The following SNAP47 variants were observed in gnomAD, a reference collection of about 807,000 sequenced individuals.
SNAP47 encodes synaptosomal-associated protein 47.
A neutral mutation model predicts 31.4 loss-of-function variants in SNAP47; 20 were observed. That is an observed-to-expected ratio of 0.64 (90% CI 0.45 to 0.93). SNAP47 has a LOEUF of 0.93. Ranked by LOEUF, SNAP47 falls within the 40% of genes least tolerant of loss-of-function variation. The pLI is 0.00. For synonymous variants in SNAP47, 194 were observed against 213.4 expected, an observed-to-expected ratio of 0.91 and a Z score of 0.79; for missense variants, 492 against 528.5, an observed-to-expected ratio of 0.93 and a Z score of 0.68.
intron 1 of SNAP47, among the ~76,000 whole-genome samples, chr1:227,738,732 CAG>C (rs763819955): frequency 2.9e-4 from 44 of 152,156 alleles, no homozygotes; most frequent in Non-Finnish European, 4.4e-5. Flanking sequence ...ATGTGGGGAG[CAG>C]AGTGTTTATA....
chr1:227,758,339 G>A (rs1009411335), intron 2 of SNAP47, among the ~76,000 whole-genome samples: 3 of 152,302 alleles, frequency 2.0e-5, no homozygotes, highest in Non-Finnish European at 2.9e-5. Context: ...AAGACGTGCC[G>A]GGTTCTCCTC....
At chr1:227,744,964 G>T (rs1661867453) in intron 1 of SNAP47, among the ~76,000 whole-genome samples, 1 of 152,196 alleles carries the variant, frequency 6.6e-6, no homozygotes, top group Non-Finnish European at 1.5e-5. Context: ...CTTGGGTGGA[G>T]CTGGTTGCCC....
upstream of SNAP47, chr1:227,733,712 T>C (rs894973504): frequency 6.3e-7 from 1 of 1,598,738 alleles, no homozygotes. Flanking sequence ...GGTTCATGCC[T>C]GTAGGGGCTG....
upstream of SNAP47, chr1:227,733,436 C>T: frequency 1.3e-6 from 2 of 1,579,256 alleles, no homozygotes; most frequent in Non-Finnish European, 1.7e-6. Flanking sequence ...CTGGTGGTGC[C>T]AGCCACTGGG....
upstream of SNAP47, chr1:227,732,139 C>A (rs1660690275): frequency 3.5e-6 from 2 of 573,704 alleles, no homozygotes; most frequent in Non-Finnish European, 6.2e-6. Context: ...CCAAAAGAGC[C>A]AGGTCCTGGC....
chr1:227,764,296 C>T (rs573026231), intron 3 of SNAP47, among the ~76,000 whole-genome samples: 3 of 152,296 alleles, frequency 2.0e-5, no homozygotes, highest in East Asian at 1.9e-4. Context: ...TCCCAGCCAC[C>T]GCGCCCAGCA....
intron 1 of SNAP47, among the ~76,000 whole-genome samples, chr1:227,740,209 T>C (rs1267650918): frequency 2.6e-5 from 4 of 152,116 alleles, no homozygotes; most frequent in African/African-American, 9.7e-5. Flanking sequence ...CCAATGAGAC[T>C]CCCTGGTGTG....
At chr1:227,761,286 G>T (rs1355888389) in intron 3 of SNAP47, among the ~76,000 whole-genome samples, 1 of 152,132 alleles carries the variant, frequency 6.6e-6, no homozygotes, top group Non-Finnish European at 1.5e-5. Context: ...TCAAGTTTCG[G>T]AAAGAAATAC....
intron 4 of SNAP47, among the ~76,000 whole-genome samples, chr1:227,770,970 G>A (rs1243994199): frequency 1.3e-5 from 2 of 152,180 alleles, no homozygotes; most frequent in Admixed American, 6.5e-5. Context: ...TGGAGCAGGC[G>A]AGTTGGAGAA....
intron 2 of SNAP47, among the ~76,000 whole-genome samples, chr1:227,755,823 C>T (rs1487390228): frequency 2.0e-5 from 3 of 149,674 alleles, no homozygotes; most frequent in Admixed American, 1.3e-4. Context: ...CACCAACCAG[C>T]AGAATGACGT....
At chr1:227,735,361 G>C, upstream of SNAP47, 1 of 1,592,914 alleles carries the variant, frequency 6.3e-7, no homozygotes, top group Non-Finnish European at 8.5e-7. Context: ...GAAGACGCAG[G>C]GCGCCGCGTT....
At chr1:227,734,006 G>A, upstream of SNAP47, 1 of 1,613,738 alleles carries the variant, frequency 6.2e-7, no homozygotes, top group Non-Finnish European at 8.5e-7. Flanking sequence ...CACAGGCAGG[G>A]TGAAAACGTC....
Position 227,744,175 on chromosome 1 carries a change from CTT to C in SNAP47, c.-45-3501_-45-3500del, listed in dbSNP as rs59986903. On this transcript the variant is annotated intron_variant, in intron 1 of 4. Transcript: ENST00000617596. ...CTGTGTATGTTCAGTGCAGGGACAG[CTT>C]TTTTTTTTTTTTTTTAGTATTTTTT... 865 of 140,646 alleles carry C rather than the reference CTT, an allele frequency of 6.2e-3. 1 individual carries two copies. The highest frequency in any genetic ancestry group is 0.011 in the Middle Eastern group (3 of 276). 8.7% of individuals were successfully genotyped at this position (140,646 alleles called of 1,614,324 possible).
chr1:227,760,230 A>G (rs1294884099), intron 3 of SNAP47, among the ~76,000 whole-genome samples: 1 of 152,146 alleles, frequency 6.6e-6, no homozygotes, highest in African/African-American at 2.4e-5. Context: ...CCTCATTTTG[A>G]TGTGGGAACC....
At chr1:227,733,844 G>T, upstream of SNAP47, 1 of 1,603,684 alleles carries the variant, frequency 6.2e-7, no homozygotes. Context: ...TGCCACCCTG[G>T]GCCTCCCAGT....
intron 4 of SNAP47, among the ~76,000 whole-genome samples, chr1:227,778,365 G>A (rs751515397): frequency 6.6e-6 from 1 of 152,252 alleles, no homozygotes; most frequent in South Asian, 2.1e-4. Flanking sequence ...CAGGGGCCTT[G>A]GGCCATCTCC....
rs114724061 is a variant in SNAP47, at chr1:227,748,341, G to A, written c.497+108G>A. On this transcript the variant is annotated intron_variant, in intron 2 of 4. Coordinates refer to ENST00000617596, the MANE Select transcript of SNAP47 (RefSeq NM_053052.4). ...ACTGCACCATATTTGCACACATCCA[G>A]CATTCTGAGATCCTGGCTGTGCACC... The A allele has an allele frequency of 3.1e-3, 3,859 of 1,244,832 alleles. 103 individuals carry two copies. In the African/African-American group the frequency reaches 0.052, roughly 17 times the overall value. 77.1% of individuals were successfully genotyped at this position (1,244,832 alleles called of 1,614,324 possible). A position where few individuals can be genotyped will look rare whatever the true frequency, so the allele number is the denominator to read the frequency against.
At position 227,780,526 on chromosome 1, in the gene SNAP47, G is replaced by A; in HGVS notation, c.1114-1G>A. On this transcript the variant is annotated splice_acceptor_variant, in intron 4 of 4. Transcript: ENST00000617596. LOFTEE classifies it high-confidence loss of function. Reference sequence around the variant, plus strand: ...TGCTGTGATCTTGTGCTTCTCCCCAGATCCTGAGGAGGATGAAGGGGCTGG... The same window carrying A: ...TGCTGTGATCTTGTGCTTCTCCCCAAATCCTGAGGAGGATGAAGGGGCTGG... 1 of 1,613,964 alleles carries A rather than the reference G, an allele frequency of 6.2e-7. No individual in the cohort carries two copies. Among genetic ancestry groups the A allele is most frequent in the South Asian group, 1.1e-5 (1 of 91,082 alleles).
At chr1:227,732,155 C>T, upstream of SNAP47, 2 of 588,536 alleles carry the variant, frequency 3.4e-6, no homozygotes, top group South Asian at 2.1e-5. Context: ...CTGGCACCAT[C>T]TCCGAGCTCC....
Sources: gnomAD v4.1 joint callset for allele counts (sites outside exome capture counted in the v4.1 genomes callset) on GRCh38, gnomAD v4.1.1 for gene constraint, MANE v1.5 for transcripts, NCBI Gene and HGNC (gene_info 2026-07-23, HGNC 2026-07-21) for gene names.